PPTC7: variants seen among roughly 807,000 people sequenced by gnomAD.
The protein encoded by PPTC7 is protein phosphatase targeting COQ7.
Under a neutral mutation model 30.8 loss-of-function variants are expected in PPTC7, and 6 were observed. The observed-to-expected ratio is 0.19, with a 90% CI of 0.11 to 0.38. PPTC7 has a LOEUF of 0.38. Among genes scored for constraint, PPTC7 ranks in the 10% least tolerant of loss-of-function variants. The pLI, the probability that PPTC7 is intolerant of heterozygous loss-of-function variation, is 1.00. For missense variants in PPTC7, 218 were observed against 404.8 expected (o/e 0.54, Z 3.96); for synonymous variants, 163 against 168.1 (o/e 0.97, Z 0.23).
intron 2 of PPTC7, among the ~76,000 whole-genome samples, chr12:110,548,032 G>C (rs115157220): frequency 2.8e-4 from 43 of 151,988 alleles, no homozygotes; most frequent in African/African-American, 1.0e-3. Flanking sequence ...GTTTGAACCC[G>C]GGGGGCAGAG....
rs533138244 is a variant in PPTC7 at position 110,554,115 on chromosome 12, G to A, written c.224-2147C>T. Among the ~76,000 whole-genome samples the A allele has an allele frequency of 2.6e-5, 4 of 152,252 alleles. No homozygotes were observed. The East Asian group carries it at 5.8e-4, about 22-fold the overall frequency. ...TGATCTGCCCATCTCGGCCTCCCAA[G>A]GTGCTGGGATTATAAGCATCGGCCA... is the stretch of plus-strand genomic sequence containing the variant. On this transcript the variant is annotated intron_variant, in intron 1 of 5. Transcript: ENST00000354300.
Position 110,533,672 on chromosome 12 carries a change from C to CA in PPTC7, c.*3364dup, listed in dbSNP as rs1208301319. On this transcript the variant is annotated 3_prime_UTR_variant, in exon 6 of 6. Coordinates refer to ENST00000354300, the MANE Select transcript of PPTC7 (RefSeq NM_139283.2). ...AGAAACTGAATGCTGTAGCTTCTAC[C>CA]AAAGATAGCTGGTATTAAGGTGACC... The CA allele has an allele frequency of 6.6e-6, 1 of 152,102 alleles. No individual in the cohort carries two copies. The highest frequency in any genetic ancestry group is 6.6e-5 in the Admixed American group (1 of 15,264). The allele number at this position is 152,102 out of a possible 1,614,324, so 9.4% of individuals were successfully genotyped here. A position where few individuals can be genotyped will look rare whatever the true frequency, so the allele number is the denominator to read the frequency against.
At chr12:110,562,990 T>A (rs2064450979) in intron 1 of PPTC7, among the ~76,000 whole-genome samples, 1 of 151,046 alleles carries the variant, frequency 6.6e-6, no homozygotes, top group Admixed American at 6.6e-5. Context: ...GACTTGGTGG[T>A]AGGCACCTGT....
At chr12:110,580,933 G>A (rs775332395) in intron 1 of PPTC7, among the ~76,000 whole-genome samples, 14 of 151,678 alleles carry the variant, frequency 9.2e-5, no homozygotes, top group Admixed American at 2.0e-4. Context: ...TGTATTTTTA[G>A]TAAAGACTGG....
At chr12:110,540,087 A>G in intron 3 of PPTC7, 142 bp from the exon 4 acceptor site, 3 of 678,736 alleles carry the variant, frequency 4.4e-6, no homozygotes, top group Non-Finnish European at 6.5e-6. Context: ...TTTTTAAAAA[A>G]AGTCATTCTG....
At chr12:110,581,248 T>C (rs1027813236) in intron 1 of PPTC7, among the ~76,000 whole-genome samples, 2 of 152,048 alleles carry the variant, frequency 1.3e-5, no homozygotes, top group Non-Finnish European at 2.9e-5. Flanking sequence ...ACCCCATCTC[T>C]ACTAAAAATA....
intron 2 of PPTC7, 30 bp downstream of exon 2, chr12:110,551,759 T>C: frequency 6.3e-7 from 1 of 1,592,722 alleles, no homozygotes; most frequent in Non-Finnish European, 8.6e-7. Flanking sequence ...GGGGCTTCTT[T>C]AGAGGAAAAC....
chr12:110,562,928 C>T (rs1302793205), intron 1 of PPTC7, among the ~76,000 whole-genome samples: 2 of 151,458 alleles, frequency 1.3e-5, no homozygotes, highest in Non-Finnish European at 2.9e-5. Context: ...TCGAGACCAG[C>T]CTGGCCAACA....
At chr12:110,547,343 C>T (rs1233535920) in intron 2 of PPTC7, among the ~76,000 whole-genome samples, 3 of 152,200 alleles carry the variant, frequency 2.0e-5, no homozygotes, top group African/African-American at 4.8e-5. Flanking sequence ...ATGGGGCAAA[C>T]TACTTAACCT....
intron 1 of PPTC7, among the ~76,000 whole-genome samples, chr12:110,570,859 C>T (rs866707657): frequency 4.0e-5 from 6 of 151,730 alleles, no homozygotes; most frequent in African/African-American, 2.4e-5. Flanking sequence ...CAGAGGCTGG[C>T]GGGATCCTCC....
At position 110,583,231 on chromosome 12, in the gene PPTC7, T is replaced by A. The variant is rs564160934; in HGVS notation, c.-200A>T. The A allele has an allele frequency of 5.3e-6, 1 of 189,702 alleles. No homozygotes were observed. Among genetic ancestry groups the A allele is most frequent in the East Asian group, 1.6e-4 (1 of 6,198 alleles). 11.8% of individuals were successfully genotyped at this position (189,702 alleles called of 1,614,324 possible). A position where few individuals can be genotyped will look rare whatever the true frequency, so the allele number is the denominator to read the frequency against. ...CGCGCGCACCGGAGCCAGAGCGAGGTCAGAAGCGGCGGCTCCTCCGCCTCA... is the reference window on the plus strand; with the variant it reads ...CGCGCGCACCGGAGCCAGAGCGAGGACAGAAGCGGCGGCTCCTCCGCCTCA... On this transcript the variant is annotated 5_prime_UTR_variant, in exon 1 of 6. The change abolishes the stop of an existing upstream ORF in the 5' untranslated region. Transcript: ENST00000354300.
intron 1 of PPTC7, among the ~76,000 whole-genome samples, chr12:110,553,437 C>T (rs1156683941): frequency 6.6e-6 from 1 of 151,952 alleles, no homozygotes; most frequent in East Asian, 2.0e-4. Context: ...AGCCACTGCG[C>T]CCGGCCCCCA....
chr12:110,583,005 C>A lies in PPTC7; in HGVS notation c.27G>T (p.Arg9=). Residue 9 remains arginine (R), a synonymous_variant, in exon 1 of 6, where the codon CGG becomes CGT. Transcript: ENST00000354300. The part of the protein sequence containing the change: MFSVLSYG[R]LVARAVLGGL... ...CGCCGAGCACGGCGCGGGCCACCAG[C>A]CGCCCGTACGAGAGGACCGAGAACA... 1 of 1,490,624 alleles carries A rather than the reference C, an allele frequency of 6.7e-7. No homozygotes were observed. The highest frequency in any genetic ancestry group is 1.3e-5 in the South Asian group (1 of 76,826). The allele number at this position is 1,490,624 out of a possible 1,614,324, so 92.3% of individuals were successfully genotyped here.
At position 110,536,802 on chromosome 12, in the gene PPTC7, A is replaced by G. The variant is rs898431537; in HGVS notation, c.*235T>C. 1.3e-5 allele frequency: 6 copies of G among 469,056 alleles called. No individual in the cohort carries two copies. The highest frequency in any genetic ancestry group is 2.0e-5 in the African/African-American group (1 of 50,430). The allele number at this position is 469,056 out of a possible 1,614,324, so 29.1% of individuals were successfully genotyped here. A position where few individuals can be genotyped will look rare whatever the true frequency, so the allele number is the denominator to read the frequency against. On this transcript the variant is annotated 3_prime_UTR_variant, in exon 6 of 6. Coordinates refer to ENST00000354300, the MANE Select transcript of PPTC7 (RefSeq NM_139283.2). ...ATCATGGAAAGAACATCGAGAAATG[A>G]AGGCCAATCTTCAAATATTGGATCT... is the stretch of plus-strand genomic sequence containing the variant.
intron 1 of PPTC7, 40 bp downstream of exon 1, chr12:110,582,769 G>T: frequency 1.3e-6 from 2 of 1,485,680 alleles, no homozygotes; most frequent in East Asian, 2.6e-5. Flanking sequence ...CCGGGAGGCG[G>T]ATCCGAGGCT....
At chr12:110,558,744 GCCC>G (rs973004193) in intron 1 of PPTC7, among the ~76,000 whole-genome samples, 1 of 152,014 alleles carries the variant, frequency 6.6e-6, no homozygotes, top group African/African-American at 2.4e-5. Context: ...TCCCGCCTCA[GCCC>G]CCCAAGTAGC....
chr12:110,545,993 A>C lies in PPTC7; in HGVS notation c.489T>G (p.Val163=). 6.2e-7 allele frequency: 1 copy of C among 1,614,192 alleles called. No individual in the cohort carries two copies. Among genetic ancestry groups the C allele is most frequent in the Non-Finnish European group, 8.5e-7 (1 of 1,180,028 alleles). ...GGTGCACGACTTCACCACCCCTGAC[A>C]ACCAGGAAGCCTGAATCGCCCAGGT... is the stretch of plus-strand genomic sequence containing the variant. The part of the protein sequence containing the change: ...TANLGDSGFL[V]VRGGEVVHRS... Residue 163 remains valine, a synonymous_variant, in exon 3 of 6, where the codon GTT becomes GTG. Coordinates refer to ENST00000354300, the MANE Select transcript of PPTC7 (RefSeq NM_139283.2).
intron 1 of PPTC7, among the ~76,000 whole-genome samples, chr12:110,581,380 C>T (rs747301184): frequency 6.6e-6 from 1 of 151,886 alleles, no homozygotes; most frequent in African/African-American, 2.4e-5. Flanking sequence ...CGCCACTGCA[C>T]TCCAGCCTGA....
At chr12:110,552,850 C>T (rs553429562) in intron 1 of PPTC7, among the ~76,000 whole-genome samples, 7 of 151,978 alleles carry the variant, frequency 4.6e-5, no homozygotes, top group East Asian at 3.9e-4. Context: ...GGCAATGGGG[C>T]GAGACTCCGT....
Sources: allele counts gnomAD v4.1 joint callset (sites outside exome capture counted in the v4.1 genomes callset), GRCh38; gene constraint gnomAD v4.1.1; transcripts MANE v1.5; gene names NCBI Gene and HGNC (gene_info 2026-07-23, HGNC 2026-07-21).